Variants in SLC25A27 observed in about 807,000 individuals in gnomAD.
SLC25A27 encodes mitochondrial uncoupling protein 4.
In SLC25A27, 35 loss-of-function variants were observed where a neutral mutation model predicts 49.1. That is an observed-to-expected ratio of 0.71 (90% CI 0.54 to 0.95). The LOEUF (loss-of-function observed/expected upper bound fraction) is 0.95, where lower values mean the gene tolerates loss of function less well. SLC25A27 is among the 40% of genes least tolerant of loss of function. SLC25A27 has a pLI of 0.00. For synonymous variants in SLC25A27, 144 were observed against 136.9 expected, an observed-to-expected ratio of 1.05 and a Z score of -0.36; for missense variants, 339 against 397.1, an observed-to-expected ratio of 0.85 and a Z score of 1.24.
intron 5 of SLC25A27, among the ~76,000 whole-genome samples, chr6:46,667,927 C>A (rs771624120): frequency 6.6e-6 from 1 of 152,196 alleles, no homozygotes; most frequent in Non-Finnish European, 1.5e-5. Flanking sequence ...TGTACCTATC[C>A]ATTCTTGCCT....
intron 1 of SLC25A27, among the ~76,000 whole-genome samples, chr6:46,655,095 A>G (rs751555027): frequency 1.7e-4 from 26 of 152,244 alleles, no homozygotes; most frequent in Non-Finnish European, 3.1e-4. Context: ...TCCAAAATAC[A>G]GTTAGTACTT....
intron 5 of SLC25A27, among the ~76,000 whole-genome samples, chr6:46,666,065 C>A (rs1046289830): frequency 1.3e-5 from 2 of 152,190 alleles, no homozygotes; most frequent in African/African-American, 4.8e-5. Context: ...CCTGCACATA[C>A]CAAACTGTTC....
At chr6:46,656,268 C>T (rs1298072824) in intron 2 of SLC25A27, among the ~76,000 whole-genome samples, 1 of 151,850 alleles carries the variant, frequency 6.6e-6, no homozygotes, top group East Asian at 1.9e-4. Context: ...GCAACCTCTG[C>T]CTCCCAGGTT....
chr6:46,670,029 T>C (rs1763465596), intron 6 of SLC25A27, 106 bp from the exon 7 acceptor site: 7 of 607,854 alleles, frequency 1.2e-5, no homozygotes, highest in Non-Finnish European at 1.6e-5. Flanking sequence ...TTATGAAGCT[T>C]GTAAGAATAT....
chr6:46,665,777 C>T (rs1763307047), intron 5 of SLC25A27, among the ~76,000 whole-genome samples: 1 of 152,196 alleles, frequency 6.6e-6, no homozygotes, highest in Admixed American at 6.5e-5. Context: ...TTCAAAACCT[C>T]TCCGCTGGAC....
chr6:46,671,865 G>A (rs1012411014), intron 8 of SLC25A27, among the ~76,000 whole-genome samples: 3 of 151,760 alleles, frequency 2.0e-5, no homozygotes, highest in Non-Finnish European at 4.4e-5. Flanking sequence ...AAGTGCTGAC[G>A]TTTTTTGTAA....
intron 3 of SLC25A27, among the ~76,000 whole-genome samples, chr6:46,661,159 G>A (rs1473844666): frequency 1.3e-5 from 2 of 152,186 alleles, no homozygotes; most frequent in Non-Finnish European, 2.9e-5. Flanking sequence ...TATGAGAGAT[G>A]CAAAGAGAAA....
chr6:46,673,667 A>G (rs138097452), intron 8 of SLC25A27, among the ~76,000 whole-genome samples: 76 of 152,322 alleles, frequency 5.0e-4, no homozygotes, highest in Non-Finnish European at 7.9e-4. Context: ...TGGTTGAAGA[A>G]TAGGTCCTCA....
At chr6:46,658,407 C>T in intron 2 of SLC25A27, 2 of 332,954 alleles carry the variant, frequency 6.0e-6, no homozygotes, top group Non-Finnish European at 1.2e-5. Context: ...GTTTGTTGTT[C>T]ATTGTGTTGT....
intron 5 of SLC25A27, 39 bp downstream of exon 5, chr6:46,664,925 G>A (rs1261886004): frequency 7.8e-6 from 8 of 1,020,984 alleles, no homozygotes; most frequent in Middle Eastern, 4.2e-4. Flanking sequence ...AGTCCTAATT[G>A]CCTTAATAGC....
chr6:46,676,000 A>G (rs891414729), intron 8 of SLC25A27, among the ~76,000 whole-genome samples: 4 of 152,286 alleles, frequency 2.6e-5, no homozygotes, highest in South Asian at 4.1e-4. Context: ...CCTAGAATTC[A>G]GGCATCTTGA....
rs1763474224 is a variant in SLC25A27 at position 46,670,180 on chromosome 6, T to C, written c.750T>C (p.Asp250=). The part of the protein sequence containing the change: ...LVASILGTPA[D]VIKSRIMNQP... ...CTTCTATTCTGGGAACACCAGCCGATGTCATCAAAAGCAGAATAATGAATC... is the reference window on the plus strand; with the variant it reads ...CTTCTATTCTGGGAACACCAGCCGACGTCATCAAAAGCAGAATAATGAATC... The change falls in exon 7 of 9, where the codon GAT becomes GAC. Residue 250 remains aspartate (D), a synonymous_variant. Coordinates refer to ENST00000371347, the MANE Select transcript of SLC25A27 (RefSeq NM_004277.5). The C allele has an allele frequency of 1.2e-6, 2 of 1,613,376 alleles. No homozygotes were observed. Among genetic ancestry groups the C allele is most frequent in the South Asian group, 2.2e-5 (2 of 90,916 alleles).
At chr6:46,660,028 G>A (rs976844635) in intron 3 of SLC25A27, among the ~76,000 whole-genome samples, 2 of 151,934 alleles carry the variant, frequency 1.3e-5, no homozygotes, top group African/African-American at 2.4e-5. Context: ...CACATTATTG[G>A]TGTCCTTAAA....
intron 2 of SLC25A27, chr6:46,658,394 G>T: frequency 6.7e-6 from 2 of 299,184 alleles, no homozygotes; most frequent in Non-Finnish European, 1.3e-5. Flanking sequence ...CTTTTCATTT[G>T]TAGTTTGTTG....
rs191870273 is a variant in SLC25A27 at position 46,667,586 on chromosome 6, G to C, written c.620-1123G>C. On this transcript the variant is annotated intron_variant, in intron 5 of 8. Transcript: ENST00000371347. ...ACACAGCAAGCTGACTCCTGACTCAGGGTTAGAAAACATACTGTATTTTTG... is the reference window on the plus strand; with the variant it reads ...ACACAGCAAGCTGACTCCTGACTCACGGTTAGAAAACATACTGTATTTTTG... Among the ~76,000 whole-genome samples, 58 of 152,254 alleles carry C rather than the reference G, an allele frequency of 3.8e-4. No individual in the cohort carries two copies. The Middle Eastern group carries it at 0.01, about 27-fold the overall frequency.
At position 46,655,899 on chromosome 6, in the gene SLC25A27, C is replaced by G. The variant is rs1762961367; in HGVS notation, c.163C>G (p.Leu55Val). ...TRLQMQGEAALARLGDGARES... is the reference protein window; with the variant it reads ...TRLQMQGEAAVARLGDGARES... ...ACTCCAAATGCAAGGAGAAGCAGCT[C>G]TTGCTCGGTTGGGAGACGGTGCAAG... The change falls in exon 2 of 9, where the codon CTT (leucine) becomes GTT (valine). Residue 55 changes from leucine (L) to valine (V), a missense_variant. Leu to Val is a conservative substitution (Grantham distance 32, BLOSUM62 1). Transcript: ENST00000371347. The G allele has an allele frequency of 1.2e-6, 2 of 1,613,818 alleles. No individual in the cohort carries two copies. Among genetic ancestry groups the G allele is most frequent in the Middle Eastern group, 1.6e-4 (1 of 6,062 alleles).
At chr6:46,653,476 C>A in intron 1 of SLC25A27, 178 bp downstream of exon 1, 1 of 985,452 alleles carries the variant, frequency 1.0e-6, no homozygotes, top group Non-Finnish European at 1.2e-6. Context: ...GGATTGAGGT[C>A]TCCACGGCCT....
chr6:46,670,270 A>G, intron 7 of SLC25A27, 43 bp downstream of exon 7: 1 of 1,215,644 alleles, frequency 8.2e-7, no homozygotes, highest in Non-Finnish European at 1.2e-6. Context: ...GAATATCTGT[A>G]ATACCTTTGT....
rs539097130 is a variant in SLC25A27 at position 46,662,467 on chromosome 6, G to C, written c.475G>C (p.Gly159Arg). The change falls in exon 4 of 9, where the codon GGA (glycine) becomes CGA (arginine). Residue 159 changes from glycine to arginine, a missense_variant. Physicochemically the swap from Gly to Arg is moderately radical, Grantham distance 125. Coordinates refer to ENST00000371347, the MANE Select transcript of SLC25A27 (RefSeq NM_004277.5). ...DLVKVQMQME[G>R]KRKLEGKPLR... ...AGTGAAGGTTCAGATGCAAATGGAA[G>C]GAAAAAGGAAACTGGAAGGAAAACC... 5.6e-6 allele frequency: 9 copies of C among 1,613,518 alleles called. No homozygotes were observed. The highest frequency in any genetic ancestry group is 1.7e-5 in the Admixed American group (1 of 59,954).
Sources: gnomAD v4.1 joint callset for allele counts (sites outside exome capture counted in the v4.1 genomes callset) on GRCh38, gnomAD v4.1.1 for gene constraint, MANE v1.5 for transcripts, NCBI Gene and HGNC (gene_info 2026-07-23, HGNC 2026-07-21) for gene names.